The following B3GALT1 variants were observed in gnomAD, a reference collection of about 807,000 sequenced individuals.
The protein encoded by B3GALT1 is UDP-Gal:betaGlcNAc beta 1,3-galactosyltransferase, polypeptide 1.
In B3GALT1, 10 loss-of-function variants were observed where a neutral mutation model predicts 23.2. The ratio of observed to expected loss-of-function variants is 0.43; its 90% CI spans 0.27 to 0.73. B3GALT1 has a LOEUF of 0.73. Among genes scored for constraint, B3GALT1 ranks in the 30% least tolerant of loss-of-function variants. The pLI, the probability that B3GALT1 is intolerant of heterozygous loss-of-function variation, is 0.21. For missense variants in B3GALT1, 299 were observed against 405.4 expected, an observed-to-expected ratio of 0.74 and a Z score of 2.25; for synonymous variants, 156 against 141.5, an observed-to-expected ratio of 1.10 and a Z score of -0.73.
intron 4 of B3GALT1, among the ~76,000 whole-genome samples, chr2:167,836,712 A>G (rs1383244363): frequency 1.3e-5 from 2 of 152,214 alleles, no homozygotes; most frequent in African/African-American, 2.4e-5. Flanking sequence ...AGCAACTCCA[A>G]GACACATAAT....
intron 3 of B3GALT1, among the ~76,000 whole-genome samples, chr2:167,664,639 G>C (rs149406284): frequency 0.016 from 2,505 of 152,060 alleles, 64 homozygotes; most frequent in African/African-American, 0.057. Context: ...TTATTTCCTC[G>C]AGCAGTGGTT....
At chr2:167,852,467 G>GGTGTGTGTGTGTGTGTGTGTGTGTGTGT (rs66820655) in intron 4 of B3GALT1, among the ~76,000 whole-genome samples, 1 of 146,478 alleles carries the variant, frequency 6.8e-6, no homozygotes, top group Non-Finnish European at 1.5e-5. Flanking sequence ...TATTCGTGAT[G>GGTGTGTGTGTGTGTGTGTGTGTGTGTGT]GTGTGTGTGT....
At chr2:167,750,419 C>T (rs1687717224) in intron 3 of B3GALT1, among the ~76,000 whole-genome samples, 1 of 152,134 alleles carries the variant, frequency 6.6e-6, no homozygotes. Context: ...CAAGCTTGCT[C>T]CTCTCTTAGT....
chr2:167,763,542 C>T (rs1687926901), intron 3 of B3GALT1, among the ~76,000 whole-genome samples: 1 of 151,572 alleles, frequency 6.6e-6, no homozygotes, highest in Non-Finnish European at 1.5e-5. Flanking sequence ...CTCTAGTAAA[C>T]GTAGCCAGGT....
At chr2:167,651,702 G>C (rs1050771481) in intron 3 of B3GALT1, among the ~76,000 whole-genome samples, 1 of 152,078 alleles carries the variant, frequency 6.6e-6, no homozygotes, top group Non-Finnish European at 1.5e-5. Context: ...TTTTATCAAA[G>C]ACTCAGTTCA....
At chr2:167,848,706 C>G (rs2105411919) in intron 4 of B3GALT1, among the ~76,000 whole-genome samples, 1 of 152,282 alleles carries the variant, frequency 6.6e-6, no homozygotes, top group Non-Finnish European at 1.5e-5. Context: ...CCCACTCTTA[C>G]CACTCCTCTT....
intron 3 of B3GALT1, among the ~76,000 whole-genome samples, chr2:167,814,123 A>ATC (rs1250139954): frequency 6.6e-6 from 1 of 152,260 alleles, no homozygotes; most frequent in Non-Finnish European, 1.5e-5. Context: ...CATTTCAGTA[A>ATC]TCATTTCAGC....
chr2:167,472,653 C>A (rs945730384), intron 1 of B3GALT1, among the ~76,000 whole-genome samples: 3 of 152,086 alleles, frequency 2.0e-5, no homozygotes, highest in African/African-American at 7.2e-5. Flanking sequence ...TTCAGGTATC[C>A]TTTCTCTTCT....
rs564385602 is a variant in B3GALT1, at chr2:167,613,008, C to T, written c.-409-33901C>T. ...AGTGTTTTGTTCAATGTATCCTATA[C>T]ATTTGAGCATCTGGCATTTCCCCAA... On this transcript the variant is annotated intron_variant, in intron 2 of 4. Coordinates refer to ENST00000392690, the MANE Select transcript of B3GALT1 (RefSeq NM_020981.4). Among the ~76,000 whole-genome samples the T allele has an allele frequency of 1.3e-4, 19 of 151,980 alleles. No individual in the cohort carries two copies. The South Asian group carries it at 4.0e-3, about 32-fold the overall frequency.
intron 2 of B3GALT1, among the ~76,000 whole-genome samples, chr2:167,592,993 G>A (rs1266906706): frequency 2.0e-5 from 3 of 152,150 alleles, no homozygotes; most frequent in African/African-American, 7.2e-5. Context: ...AAGTTGTGGG[G>A]AGGGAGATCA....
At chr2:167,336,227 T>C (rs1031099700) in intron 1 of B3GALT1, among the ~76,000 whole-genome samples, 26 of 152,294 alleles carry the variant, frequency 1.7e-4, no homozygotes, top group Non-Finnish European at 3.4e-4. Flanking sequence ...CTGTTTTATG[T>C]AATCTAAGAT....
intron 1 of B3GALT1, among the ~76,000 whole-genome samples, chr2:167,375,074 C>A (rs1015936044): frequency 6.6e-6 from 1 of 152,072 alleles, no homozygotes; most frequent in African/African-American, 2.4e-5. Flanking sequence ...TATCCCAGCT[C>A]CATTTATTGA....
chr2:167,743,811 A>C (rs1687613260), intron 3 of B3GALT1, among the ~76,000 whole-genome samples: 2 of 152,078 alleles, frequency 1.3e-5, no homozygotes, highest in Non-Finnish European at 2.9e-5. Context: ...TCTGTTTCTT[A>C]TTCCAGTGGT....
intron 3 of B3GALT1, among the ~76,000 whole-genome samples, chr2:167,735,799 A>G (rs907295167): frequency 2.6e-5 from 4 of 152,210 alleles, no homozygotes; most frequent in Non-Finnish European, 5.9e-5. Context: ...CATTTTTAAA[A>G]GATAGAAAAA....
At chr2:167,676,504 C>T (rs4667961) in intron 3 of B3GALT1, among the ~76,000 whole-genome samples, 64,612 of 147,826 alleles carry the variant, frequency 0.44, 15,261 homozygotes, top group Admixed American at 0.54. Flanking sequence ...CATGCACACA[C>T]GTGTATGTTT....
rs1438224195 is a variant in B3GALT1 at position 167,871,966 on chromosome 2, A to T, written c.*1946A>T. The T allele has an allele frequency of 3.6e-5, 5 of 137,512 alleles. No individual in the cohort carries two copies. In the Admixed American group the frequency reaches 4.2e-4, roughly 12 times the overall value. 8.5% of individuals were successfully genotyped at this position (137,512 alleles called of 1,614,324 possible). On this transcript the variant is annotated 3_prime_UTR_variant, in exon 5 of 5. Coordinates refer to ENST00000392690, the MANE Select transcript of B3GALT1 (RefSeq NM_020981.4). ...GCCCAGGCGGGAGTGCAGTGGCACA[A>T]TCTCGGCTCACTGCAAGCTCCGCCT... is the stretch of plus-strand genomic sequence containing the variant.
intron 1 of B3GALT1, among the ~76,000 whole-genome samples, chr2:167,312,115 A>G (rs561430282): frequency 3.3e-5 from 5 of 152,176 alleles, no homozygotes; most frequent in African/African-American, 1.2e-4. Context: ...GCCAGTTTCA[A>G]ACAAAACTAA....
In B3GALT1 at chr2:167,869,346, G is replaced by A; in HGVS notation, c.307G>A (p.Asp103Asn). The change falls in exon 5 of 5, where the codon GAT becomes AAT. Residue 103 changes from aspartate (D) to asparagine (N), a missense_variant. Physicochemically the swap from Asp to Asn is conservative, Grantham distance 23. Transcript: ENST00000392690. This position sits in a 1 kb window ranked among gnomAD's most constrained non-coding sequence, Gnocchi z 6.4. Reference protein sequence around the residue: ...ARQAIRETWGDENNFKGIKIA... With the variant: ...ARQAIRETWGNENNFKGIKIA... Reference sequence around the variant, plus strand: ...TCAGGCAATCAGAGAGACGTGGGGGGATGAGAACAACTTTAAGGGGATCAA... The same window carrying A: ...TCAGGCAATCAGAGAGACGTGGGGGAATGAGAACAACTTTAAGGGGATCAA... The A allele has an allele frequency of 6.2e-7, 1 of 1,614,106 alleles. No homozygotes were observed. Among genetic ancestry groups the A allele is most frequent in the Non-Finnish European group, 8.5e-7 (1 of 1,180,016 alleles).
At chr2:167,791,112 G>A (rs1688431682) in intron 3 of B3GALT1, among the ~76,000 whole-genome samples, 1 of 152,110 alleles carries the variant, frequency 6.6e-6, no homozygotes, top group Non-Finnish European at 1.5e-5. Flanking sequence ...TGGTCTAAGT[G>A]TTTTATAAAC....
Sources: gnomAD v4.1 joint callset for allele counts (sites outside exome capture counted in the v4.1 genomes callset) on GRCh38, gnomAD v4.1.1 for gene constraint, Gnocchi (gnomAD v3.1) non-coding constraint, MANE v1.5 for transcripts, NCBI Gene and HGNC (gene_info 2026-07-23, HGNC 2026-07-21) for gene names.